The following MAGI1 variants were observed in gnomAD, a reference collection of about 807,000 sequenced individuals.
MAGI1 encodes membrane associated guanylate kinase, WW and PDZ domain containing 1, also known as membrane-associated guanylate kinase, WW and PDZ domain-containing protein 1.
MAGI1 carries 58 observed loss-of-function variants against 139.9 expected under a neutral mutation model. The ratio of observed to expected loss-of-function variants is 0.41; its 90% CI spans 0.34 to 0.52. The LOEUF is 0.52. MAGI1 is among the 20% of genes least tolerant of loss of function. The pLI, the probability that MAGI1 is intolerant of heterozygous loss-of-function variation, is 0.12. For missense variants in MAGI1, 1,874 were observed against 1,901.6 expected (o/e 0.99, Z 0.27); for synonymous variants, 812 against 737.9 (o/e 1.10, Z -1.63).
chr3:65,919,966 T>C (rs9881243), intron 1 of MAGI1, among the ~76,000 whole-genome samples: 1,965 of 152,298 alleles, frequency 0.013, 37 homozygotes, highest in African/African-American at 0.045. Context: ...AGGAATGAAA[T>C]AAATCTAAGT....
At chr3:65,755,106 C>T (rs1016702714) in intron 1 of MAGI1, among the ~76,000 whole-genome samples, 1 of 151,942 alleles carries the variant, frequency 6.6e-6, no homozygotes, top group African/African-American at 2.4e-5. Flanking sequence ...TGCCACGAGG[C>T]CCAGCTAATT....
At chr3:65,622,116 C>A in intron 1 of MAGI1, 28 bp from the exon 2 acceptor site, 1 of 1,473,370 alleles carries the variant, frequency 6.8e-7, no homozygotes, top group Non-Finnish European at 9.5e-7. Flanking sequence ...AATAGACATA[C>A]CACATCAACA....
At chr3:65,873,606 T>C (rs183657020) in intron 1 of MAGI1, 27 of 152,322 alleles carry the variant, frequency 1.8e-4, no homozygotes, top group African/African-American at 6.0e-4. Context: ...TATTGCATTA[T>C]TACATTATTA....
rs61474560 is a variant in MAGI1 at position 65,985,340 on chromosome 3, A to G, written c.313+52656T>C. ...ATCTCTTATGAGAACAGCTAGAATG[A>G]TCATAGTGGCCAGTTTGGTAGCCTG... On this transcript the variant is annotated intron_variant, in intron 1 of 22. Coordinates refer to ENST00000402939, the MANE Select transcript of MAGI1 (RefSeq NM_001033057.2). Among the ~76,000 whole-genome samples the G allele has an allele frequency of 6.3e-3, 961 of 152,310 alleles. 13 individuals are homozygous for G. Among genetic ancestry groups the G allele is most frequent in the African/African-American group, 0.022 (916 of 41,560 alleles).
chr3:65,372,582 G>T (rs1482285405), intron 18 of MAGI1, among the ~76,000 whole-genome samples: 1 of 152,100 alleles, frequency 6.6e-6, no homozygotes, highest in African/African-American at 2.4e-5. Flanking sequence ...TTGAAACTAG[G>T]CATTGATGTC....
At chr3:65,359,813 A>C in intron 22 of MAGI1, 1 of 985,734 alleles carries the variant, frequency 1.0e-6, no homozygotes, top group Non-Finnish European at 1.2e-6. Context: ...TCCTCAGTGC[A>C]ACAGACATAG....
At chr3:65,667,842 G>T (rs1409162463) in intron 1 of MAGI1, among the ~76,000 whole-genome samples, 1 of 152,142 alleles carries the variant, frequency 6.6e-6, no homozygotes, top group African/African-American at 2.4e-5. Context: ...GGGATTACAG[G>T]CATGACCCAC....
At chr3:65,436,313 A>C (rs994968889) in intron 10 of MAGI1, among the ~76,000 whole-genome samples, 10 of 152,192 alleles carry the variant, frequency 6.6e-5, no homozygotes, top group Non-Finnish European at 1.0e-4. Flanking sequence ...TCTGTACCAC[A>C]AACATCCCCC....
At chr3:65,624,489 C>T (rs2083858574) in intron 1 of MAGI1, among the ~76,000 whole-genome samples, 1 of 152,120 alleles carries the variant, frequency 6.6e-6, no homozygotes, top group African/African-American at 2.4e-5. Context: ...ATCTCAAACA[C>T]AGAATGTTGA....
At chr3:66,020,133 T>C (rs1477152270) in intron 1 of MAGI1, among the ~76,000 whole-genome samples, 2 of 152,196 alleles carry the variant, frequency 1.3e-5, no homozygotes, top group Non-Finnish European at 2.9e-5. Flanking sequence ...GCCCCTGTTA[T>C]CCATCTGCAA....
At chr3:65,727,371 A>C (rs1022546109) in intron 1 of MAGI1, among the ~76,000 whole-genome samples, 3 of 152,218 alleles carry the variant, frequency 2.0e-5, no homozygotes, top group Non-Finnish European at 4.4e-5. Context: ...ATTATTATAT[A>C]TATAAAGAAA....
chr3:65,980,220 C>A (rs1450575691), intron 1 of MAGI1, among the ~76,000 whole-genome samples: 4 of 152,168 alleles, frequency 2.6e-5, no homozygotes, highest in African/African-American at 9.6e-5. Context: ...CCTCTCTAAG[C>A]CATACTTTTG....
chr3:65,877,009 C>T (rs1428242292), intron 1 of MAGI1, among the ~76,000 whole-genome samples: 1 of 152,138 alleles, frequency 6.6e-6, no homozygotes, highest in Non-Finnish European at 1.5e-5. Flanking sequence ...TCCCAAAGTG[C>T]TGGGATTACA....
At chr3:65,930,184 C>T (rs1162259987) in intron 1 of MAGI1, among the ~76,000 whole-genome samples, 3 of 151,462 alleles carry the variant, frequency 2.0e-5, no homozygotes, top group Non-Finnish European at 4.4e-5. Flanking sequence ...GGCGCAGTGG[C>T]GGGCGCCTGT....
intron 1 of MAGI1, among the ~76,000 whole-genome samples, chr3:65,999,352 G>A (rs12639617): frequency 0.086 from 13,048 of 152,148 alleles, 774 homozygotes; most frequent in East Asian, 0.25. Flanking sequence ...TAAAATCTGG[G>A]AGCAATATGC....
chr3:65,893,489 G>C (rs1205562773), intron 1 of MAGI1, among the ~76,000 whole-genome samples: 1 of 152,032 alleles, frequency 6.6e-6, no homozygotes, highest in Non-Finnish European at 1.5e-5. Flanking sequence ...TAGTTTAATA[G>C]AAAATAATGA....
intron 10 of MAGI1, among the ~76,000 whole-genome samples, chr3:65,433,522 G>C (rs576317031): frequency 6.6e-6 from 1 of 152,202 alleles, no homozygotes; most frequent in South Asian, 2.1e-4. Flanking sequence ...CTTTTGGAAA[G>C]AAACGCTTTT....
chr3:65,752,029 A>T lies in MAGI1; in HGVS notation c.314-129941T>A, dbSNP rs190328671. ...ACAATCTCAGCTCACTGCAGCCTTG[A>T]CTTCCCAGGCTCAAGCCATCATCCC... On this transcript the variant is annotated intron_variant, in intron 1 of 22. Transcript: ENST00000402939. Among the ~76,000 whole-genome samples, 130 of 152,228 alleles carry T rather than the reference A, an allele frequency of 8.5e-4. 1 individual carries two copies. The highest frequency in any genetic ancestry group is 3.0e-3 in the African/African-American group (126 of 41,548).
chr3:65,967,066 A>C (rs992200357), intron 1 of MAGI1, among the ~76,000 whole-genome samples: 2 of 152,182 alleles, frequency 1.3e-5, no homozygotes, highest in Non-Finnish European at 2.9e-5. Flanking sequence ...AGAGTCACAG[A>C]GTTAGTGGAC....
Sources: allele counts gnomAD v4.1 joint callset (sites outside exome capture counted in the v4.1 genomes callset), GRCh38; gene constraint gnomAD v4.1.1; transcripts MANE v1.5; gene names NCBI Gene and HGNC (gene_info 2026-07-23, HGNC 2026-07-21).